SDK1: variants seen among roughly 807,000 people sequenced by gnomAD.
SDK1 encodes the protein sidekick cell adhesion molecule 1.
A neutral mutation model predicts 245.5 loss-of-function variants in SDK1; 157 were observed. The ratio of observed to expected loss-of-function variants is 0.64; its 90% CI spans 0.56 to 0.73. SDK1 has a LOEUF of 0.73. SDK1 is among the 30% of genes least tolerant of loss of function. The pLI is 0.00. For missense variants in SDK1, 3,583 were observed against 3,002.3 expected (o/e 1.19, Z -4.52); for synonymous variants, 1,647 against 1,278.5 (o/e 1.29, Z -6.15).
intron 29 of SDK1, among the ~76,000 whole-genome samples, chr7:4,146,934 C>T (rs1780024292): frequency 6.6e-6 from 1 of 152,202 alleles, no homozygotes; most frequent in Non-Finnish European, 1.5e-5. Flanking sequence ...CCCTCTGACA[C>T]CACGAGGCCG....
At chr7:3,538,412 A>G (rs931289717) in intron 1 of SDK1, among the ~76,000 whole-genome samples, 3 of 151,842 alleles carry the variant, frequency 2.0e-5, no homozygotes, top group Non-Finnish European at 4.4e-5. Flanking sequence ...CTTTTCATTA[A>G]TTTTGCCTTT....
chr7:3,988,464 C>G (rs528841133), intron 14 of SDK1, among the ~76,000 whole-genome samples: 1 of 152,240 alleles, frequency 6.6e-6, no homozygotes, highest in Middle Eastern at 3.4e-3. Flanking sequence ...CCAGACCAGG[C>G]CACTCCCCTG....
At position 4,266,882 on chromosome 7, in the gene SDK1, C is replaced by G; in HGVS notation, c.*1498C>G. 2 of 985,538 alleles carry G rather than the reference C, an allele frequency of 2.0e-6. No individual in the cohort carries two copies. The highest frequency in any genetic ancestry group is 2.4e-6 in the Non-Finnish European group (2 of 830,008). The allele number at this position is 985,538 out of a possible 1,614,324, so 61.0% of individuals were successfully genotyped here. A position where few individuals can be genotyped will look rare whatever the true frequency, so the allele number is the denominator to read the frequency against. On this transcript the variant is annotated 3_prime_UTR_variant, in exon 45 of 45. Transcript: ENST00000404826. ...CCTGTCAGTGCCCCCCAGTGCACGG[C>G]AAACGGGCAGGTGCCGTTCCCCCAG...
chr7:3,314,789 G>C (rs970460070), intron 1 of SDK1, among the ~76,000 whole-genome samples: 14 of 152,250 alleles, frequency 9.2e-5, no homozygotes, highest in African/African-American at 3.1e-4. Flanking sequence ...TAGATGTAGA[G>C]ATGCCTTAAG....
chr7:3,728,508 A>G (rs759932670), intron 4 of SDK1, among the ~76,000 whole-genome samples: 1 of 152,160 alleles, frequency 6.6e-6, no homozygotes, highest in African/African-American at 2.4e-5. Context: ...TAAATCCCCA[A>G]AACTCTTCCC....
intron 4 of SDK1, among the ~76,000 whole-genome samples, chr7:3,684,104 C>G (rs1784199719): frequency 6.6e-6 from 1 of 152,182 alleles, no homozygotes; most frequent in African/African-American, 2.4e-5. Flanking sequence ...GGAGCTGATC[C>G]TCCATTCCCT....
At chr7:4,079,654 C>A in intron 22 of SDK1, 70 bp downstream of exon 22, 1 of 1,585,688 alleles carries the variant, frequency 6.3e-7, no homozygotes, top group Non-Finnish European at 8.6e-7. Context: ...ATGAGTGGTA[C>A]CCCTGCAGAT....
intron 1 of SDK1, among the ~76,000 whole-genome samples, chr7:3,508,903 T>C (rs993588620): frequency 6.6e-6 from 1 of 152,204 alleles, no homozygotes; most frequent in Admixed American, 6.5e-5. Context: ...AAGTGAGTAT[T>C]TTATTCAGTG....
rs373739542 is a variant in SDK1 at position 3,409,344 on chromosome 7, C to G, written c.298+107460C>G. ...CCTTTGAGGCCATCTGAACAATACT[C>G]TTGGTTAACCTGAGAATGGATTACA... On this transcript the variant is annotated intron_variant, in intron 1 of 44. Coordinates refer to ENST00000404826, the MANE Select transcript of SDK1 (RefSeq NM_152744.4). Among the ~76,000 whole-genome samples, 23 of 146,834 alleles carry G rather than the reference C, an allele frequency of 1.6e-4. 1 individual carries two copies. Among genetic ancestry groups the G allele is most frequent in the African/African-American group, 4.8e-4 (19 of 39,500 alleles).
chr7:3,821,631 G>A, intron 5 of SDK1, 48 bp downstream of exon 5: 2 of 1,596,260 alleles, frequency 1.3e-6, no homozygotes, highest in South Asian at 1.1e-5. Context: ...ATAAAATCTT[G>A]CTTTAATCAG....
At chr7:3,953,316 G>A (rs1342969543) in intron 7 of SDK1, among the ~76,000 whole-genome samples, 1 of 152,178 alleles carries the variant, frequency 6.6e-6, no homozygotes, top group Non-Finnish European at 1.5e-5. Context: ...TAAATACAAT[G>A]CAGTGCAAAC....
chr7:3,541,859 C>A (rs142833435), intron 1 of SDK1, among the ~76,000 whole-genome samples: 1 of 152,068 alleles, frequency 6.6e-6, no homozygotes, highest in Non-Finnish European at 1.5e-5. Flanking sequence ...GCTAAATGCC[C>A]TCTTATGTTT....
At chr7:3,483,691 C>T (rs956566497) in intron 1 of SDK1, among the ~76,000 whole-genome samples, 2 of 151,894 alleles carry the variant, frequency 1.3e-5, no homozygotes, top group Non-Finnish European at 2.9e-5. Context: ...TTGATATATA[C>T]CTTTTATCAG....
At chr7:3,747,852 G>A (rs1262272607) in intron 4 of SDK1, among the ~76,000 whole-genome samples, 1 of 152,108 alleles carries the variant, frequency 6.6e-6, no homozygotes, top group African/African-American at 2.4e-5. Context: ...GCTGGAGGCT[G>A]GAGCAGAGAG....
At chr7:4,078,554 A>C (rs377296513) in intron 21 of SDK1, among the ~76,000 whole-genome samples, 1 of 152,184 alleles carries the variant, frequency 6.6e-6, no homozygotes, top group African/African-American at 2.4e-5. Context: ...AGCAACAGCA[A>C]ATGAGGAAAG....
intron 1 of SDK1, among the ~76,000 whole-genome samples, chr7:3,370,505 TCA>T (rs1781195427): frequency 6.6e-6 from 1 of 152,196 alleles, no homozygotes; most frequent in South Asian, 2.1e-4. Flanking sequence ...GATGATGTAA[TCA>T]CTTAAAAAGG....
chr7:3,645,471 C>G (rs1040610463), intron 4 of SDK1, among the ~76,000 whole-genome samples: 3 of 152,166 alleles, frequency 2.0e-5, no homozygotes, highest in African/African-American at 7.2e-5. Flanking sequence ...TTTTTCTCCA[C>G]AAATTTATAC....
At chr7:4,129,051 A>G (rs1400167712) in intron 26 of SDK1, among the ~76,000 whole-genome samples, 3 of 128,438 alleles carry the variant, frequency 2.3e-5, no homozygotes, top group African/African-American at 9.0e-5. Context: ...CCTGGACTAG[A>G]GCAGCTTGGG....
chr7:4,110,612 C>T, intron 22 of SDK1, 51 bp from the exon 23 acceptor site: 1 of 1,329,100 alleles, frequency 7.5e-7, no homozygotes, highest in Non-Finnish European at 1.1e-6. Context: ...TACATGGCAG[C>T]CTCAGTCCCT....
Sources: allele counts gnomAD v4.1 joint callset (sites outside exome capture counted in the v4.1 genomes callset), GRCh38; gene constraint gnomAD v4.1.1; transcripts MANE v1.5; gene names NCBI Gene and HGNC (gene_info 2026-07-23, HGNC 2026-07-21).